Variants in TNFRSF19 observed in about 807,000 individuals in gnomAD.
The protein encoded by TNFRSF19 is tumor necrosis factor receptor superfamily member 19.
TNFRSF19 carries 27 observed loss-of-function variants against 46.4 expected under a neutral mutation model. The ratio of observed to expected loss-of-function variants is 0.58; its 90% confidence interval spans 0.43 to 0.80. The LOEUF is 0.80. TNFRSF19 is among the 30% of genes least tolerant of loss of function. The pLI is 0.00. For missense variants in TNFRSF19, 511 were observed against 530.8 expected (o/e 0.96, Z 0.37); for synonymous variants, 204 against 205.0 (o/e 1.00, Z 0.04).
chr13:23,654,280 G>C (rs1447133324), intron 5 of TNFRSF19, among the ~76,000 whole-genome samples: 1 of 152,150 alleles, frequency 6.6e-6, no homozygotes, highest in Non-Finnish European at 1.5e-5. Flanking sequence ...AAGCCCAGGC[G>C]GAGTCCAGCT....
At chr13:23,620,140 C>A (rs924737128) in intron 4 of TNFRSF19, among the ~76,000 whole-genome samples, 1 of 152,154 alleles carries the variant, frequency 6.6e-6, no homozygotes, top group East Asian at 1.9e-4. Flanking sequence ...TTACCCAGGT[C>A]TTTTCAAAGT....
intron 1 of TNFRSF19, among the ~76,000 whole-genome samples, chr13:23,588,100 C>T (rs548004420): frequency 7.9e-5 from 12 of 152,296 alleles, no homozygotes; most frequent in South Asian, 2.1e-4. Flanking sequence ...GTGCCAGAAA[C>T]GGTTTACATC....
chr13:23,621,920 C>T (rs902917071), intron 4 of TNFRSF19, among the ~76,000 whole-genome samples: 1 of 151,992 alleles, frequency 6.6e-6, no homozygotes, highest in African/African-American at 2.4e-5. Context: ...CACTGCACTC[C>T]AGCCTGGGTG....
intron 1 of TNFRSF19, among the ~76,000 whole-genome samples, chr13:23,584,240 C>G (rs1449165619): frequency 6.6e-6 from 1 of 152,028 alleles, no homozygotes; most frequent in Non-Finnish European, 1.5e-5. Context: ...ACCCTTTTCC[C>G]CCAAGTCCCC....
rs1274311334 is a variant in TNFRSF19, at chr13:23,668,007, G to T, written c.764G>T (p.Cys255Phe). 1.2e-6 allele frequency: 2 copies of T among 1,609,896 alleles called. No individual in the cohort carries two copies. The change falls in exon 8 of 10, where the codon TGC (cysteine) becomes TTC (phenylalanine). Residue 255 changes from cysteine to phenylalanine, a missense_variant. By Grantham distance (205) the Cys-to-Phe change is radical. Around this residue, in one of 3 missense-constraint regions of TNFRSF19, gnomAD observed 376 missense variants for 372.7 expected, o/e 1.01. Coordinates refer to ENST00000248484, the MANE Select transcript of TNFRSF19 (RefSeq NM_148957.4). ...CGPVRLLPSM[C>F]CEEACSPNPA... ...CCGGTGCGCTTGCTCCCATCCATGT[G>T]CTGTGAGGAGGCCTGCAGCCCCAAC...
Position 23,615,744 on chromosome 13 carries a change from T to G in TNFRSF19, c.181-123T>G, listed in dbSNP as rs1040935596. On this transcript the variant is annotated intron_variant, in intron 3 of 9. Coordinates refer to ENST00000248484, the MANE Select transcript of TNFRSF19 (RefSeq NM_148957.4). ...ATTTGAACTTGCTGAAAGAGCTGCC[T>G]TTGTGTCTAGGAAGGCCGACACTTG... 9 of 983,042 alleles carry G rather than the reference T, an allele frequency of 9.2e-6. No individual in the cohort carries two copies. In the African/African-American group the frequency reaches 1.3e-4, roughly 14 times the overall value. 60.9% of individuals were successfully genotyped at this position (983,042 alleles called of 1,614,324 possible).
At chr13:23,608,069 G>T (rs1053902581) in intron 3 of TNFRSF19, among the ~76,000 whole-genome samples, 1 of 152,114 alleles carries the variant, frequency 6.6e-6, no homozygotes, top group Non-Finnish European at 1.5e-5. Context: ...TCTACACCTT[G>T]ACCCACCAGT....
At chr13:23,578,667 T>C (rs941662487) in intron 1 of TNFRSF19, among the ~76,000 whole-genome samples, 2 of 152,224 alleles carry the variant, frequency 1.3e-5, no homozygotes, top group Non-Finnish European at 1.5e-5. Context: ...AATAGAACAA[T>C]ACTGCTTGCA....
At chr13:23,632,486 T>C (rs950144252) in intron 5 of TNFRSF19, among the ~76,000 whole-genome samples, 1 of 152,186 alleles carries the variant, frequency 6.6e-6, no homozygotes, top group Non-Finnish European at 1.5e-5. Context: ...AGGGATTCCC[T>C]CCATTGTTCA....
chr13:23,671,484 G>A (rs117445278), intron 9 of TNFRSF19, among the ~76,000 whole-genome samples: 1,534 of 147,870 alleles, frequency 0.01, 13 homozygotes, highest in Non-Finnish European at 0.016. Flanking sequence ...CCCATTTTAC[G>A]AGATAATCAT....
chr13:23,676,085 G>A lies in TNFRSF19; in HGVS notation c.*2705G>A, dbSNP rs1487994567. 1 of 151,894 alleles carries A rather than the reference G, an allele frequency of 6.6e-6. No homozygotes were observed. Among genetic ancestry groups the A allele is most frequent in the Non-Finnish European group, 1.5e-5 (1 of 67,970 alleles). The allele number at this position is 151,894 out of a possible 1,614,324, so 9.4% of individuals were successfully genotyped here. ...TATTTGTGAATAAAATTATCACCTGGTATTCTTATTTATGTGTTCAGTGAG... is the reference window on the plus strand; with the variant it reads ...TATTTGTGAATAAAATTATCACCTGATATTCTTATTTATGTGTTCAGTGAG... On this transcript the variant is annotated 3_prime_UTR_variant, in exon 10 of 10. Transcript: ENST00000248484.
At chr13:23,614,189 C>T (rs1298326788) in intron 3 of TNFRSF19, among the ~76,000 whole-genome samples, 1 of 152,164 alleles carries the variant, frequency 6.6e-6, no homozygotes, top group Non-Finnish European at 1.5e-5. Flanking sequence ...CTTTTCTCCT[C>T]ACTTCTTTGT....
chr13:23,578,707 A>G (rs1343448635), intron 1 of TNFRSF19, among the ~76,000 whole-genome samples: 1 of 152,260 alleles, frequency 6.6e-6, no homozygotes, highest in Non-Finnish European at 1.5e-5. Flanking sequence ...GTGGAAAAGT[A>G]TTTTACAGAC....
chr13:23,629,753 C>T (rs563434218), intron 5 of TNFRSF19, among the ~76,000 whole-genome samples: 1 of 152,348 alleles, frequency 6.6e-6, no homozygotes, highest in South Asian at 2.1e-4. Flanking sequence ...CAACATGATA[C>T]CTGCCCCGGG....
intron 5 of TNFRSF19, 124 bp downstream of exon 5, chr13:23,626,916 T>A (rs1593267918): frequency 2.4e-6 from 2 of 825,988 alleles, no homozygotes; most frequent in African/African-American, 3.4e-5. Flanking sequence ...GTGTACAGTG[T>A]GTCCTCTTTA....
intron 3 of TNFRSF19, among the ~76,000 whole-genome samples, chr13:23,608,962 C>T (rs1275119167): frequency 6.6e-6 from 1 of 152,222 alleles, no homozygotes; most frequent in African/African-American, 2.4e-5. Flanking sequence ...CTCCATGCTC[C>T]TCATGCCAGA....
intron 1 of TNFRSF19, among the ~76,000 whole-genome samples, chr13:23,576,841 G>C (rs561614536): frequency 6.6e-6 from 1 of 152,104 alleles, no homozygotes; most frequent in Admixed American, 6.5e-5. Context: ...AAAATCCATG[G>C]ATGTGGAGGG....
At chr13:23,647,569 A>G (rs901444740) in intron 5 of TNFRSF19, among the ~76,000 whole-genome samples, 1 of 150,948 alleles carries the variant, frequency 6.6e-6, no homozygotes, top group East Asian at 1.9e-4. Flanking sequence ...GCCCAGCTAC[A>G]TTTTTTTTTA....
chr13:23,618,148 C>A (rs1881431178), intron 4 of TNFRSF19, among the ~76,000 whole-genome samples: 1 of 152,016 alleles, frequency 6.6e-6, no homozygotes, highest in Admixed American at 6.6e-5. Context: ...TGGACTTTAT[C>A]AAAATTTTAA....
Sources: gnomAD v4.1 joint callset for allele counts (sites outside exome capture counted in the v4.1 genomes callset) on GRCh38, gnomAD v4.1.1 for gene constraint, gnomAD v4.1.1 regional missense constraint, MANE v1.5 for transcripts, NCBI Gene and HGNC (gene_info 2026-07-23, HGNC 2026-07-21) for gene names.